Variants in SLC24A3 observed in about 807,000 individuals in gnomAD.
The protein encoded by SLC24A3 is solute carrier family 24 member 3.
Under a neutral mutation model 75.8 loss-of-function variants are expected in SLC24A3, and 28 were observed. The observed-to-expected ratio is 0.37, with a 90% CI of 0.27 to 0.51. The LOEUF is 0.51. Among genes scored for constraint, SLC24A3 ranks in the 20% least tolerant of loss-of-function variants. The pLI is 0.94. For missense variants in SLC24A3, 663 were observed against 847.8 expected (o/e 0.78, Z 2.71); for synonymous variants, 372 against 334.1 (o/e 1.11, Z -1.24).
At chr20:19,703,623 G>A (rs1798467849) in intron 15 of SLC24A3, among the ~76,000 whole-genome samples, 2 of 152,150 alleles carry the variant, frequency 1.3e-5, no homozygotes, top group Non-Finnish European at 2.9e-5. Flanking sequence ...TCTAGGATAA[G>A]CATCAAGTGT....
At chr20:19,711,118 G>T (rs2032983504) in intron 15 of SLC24A3, among the ~76,000 whole-genome samples, 1 of 130,088 alleles carries the variant, frequency 7.7e-6, no homozygotes, top group East Asian at 2.6e-4. Flanking sequence ...CACACAGGCA[G>T]ACACATGCAG....
At chr20:19,639,814 A>AGC (rs770511719) in intron 6 of SLC24A3, among the ~76,000 whole-genome samples, 255 of 152,352 alleles carry the variant, frequency 1.7e-3, no homozygotes, top group Non-Finnish European at 3.0e-3. Context: ...AATAGACAGC[A>AGC]GCGCCGGTGG....
At chr20:19,585,110 T>C in intron 5 of SLC24A3, 55 bp downstream of exon 5, 3 of 1,501,132 alleles carry the variant, frequency 2.0e-6, no homozygotes, top group Non-Finnish European at 2.8e-6. Flanking sequence ...GGAAAAGGGC[T>C]CTGGGAATGG....
At chr20:19,438,607 T>C (rs936870916) in intron 2 of SLC24A3, among the ~76,000 whole-genome samples, 1 of 152,058 alleles carries the variant, frequency 6.6e-6, no homozygotes, top group Non-Finnish European at 1.5e-5. Context: ...AACAAGCTGC[T>C]CATTGGCCTC....
intron 2 of SLC24A3, among the ~76,000 whole-genome samples, chr20:19,383,648 TG>T (rs1348731861): frequency 1.3e-5 from 2 of 152,152 alleles, no homozygotes; most frequent in African/African-American, 2.4e-5. Context: ...CTTGGTCAGT[TG>T]GGGCTGCTAT....
In SLC24A3 at chr20:19,673,589, G is replaced by T; in HGVS notation, c.714-12G>T. 1 of 1,613,404 alleles carries T rather than the reference G, an allele frequency of 6.2e-7. No homozygotes were observed. Among genetic ancestry groups the T allele is most frequent in the Non-Finnish European group, 8.5e-7 (1 of 1,179,350 alleles). On this transcript the variant is annotated splice_polypyrimidine_tract_variant and intron_variant, in intron 8 of 16. Transcript: ENST00000328041. ...CCATGACTGTCTTTAACTGTTCTTGGTTTACACACAGGTGGGAGTCTTTAG... is the reference window on the plus strand; with the variant it reads ...CCATGACTGTCTTTAACTGTTCTTGTTTTACACACAGGTGGGAGTCTTTAG...
At chr20:19,614,814 T>G (rs1336932314) in intron 6 of SLC24A3, among the ~76,000 whole-genome samples, 2 of 152,192 alleles carry the variant, frequency 1.3e-5, no homozygotes, top group Non-Finnish European at 2.9e-5. Context: ...CTAAGAACAC[T>G]AAGACTGGTA....
intron 4 of SLC24A3, among the ~76,000 whole-genome samples, chr20:19,581,198 C>G (rs1231357044): frequency 6.6e-6 from 1 of 152,072 alleles, no homozygotes; most frequent in South Asian, 2.1e-4. Context: ...TGTGGAAGCC[C>G]TTTGTCTGAG....
intron 1 of SLC24A3, among the ~76,000 whole-genome samples, chr20:19,258,601 C>T (rs1982888369): frequency 6.6e-6 from 1 of 152,172 alleles, no homozygotes; most frequent in Non-Finnish European, 1.5e-5. Context: ...ACTCGGGAGG[C>T]TGAGGCGGAA....
Position 19,546,179 on chromosome 20 carries a change from A to AAAAAAAAAAAAC in SLC24A3, c.348+30624_348+30625insAACAAAAAAAAA, listed in dbSNP as rs765227499. Among the ~76,000 whole-genome samples, 301 of 147,544 alleles carry AAAAAAAAAAAAC rather than the reference A, an allele frequency of 2.0e-3. 2 individuals carry two copies. The highest frequency in any genetic ancestry group is 3.7e-3 in the Non-Finnish European group (241 of 65,554). ...GTCTCAAAAAAAAAAAAAAAAAAAA[A>AAAAAAAAAAAAC]AAAAAAAAACCAGGTAATCGACCTG... On this transcript the variant is annotated intron_variant, in intron 3 of 16. Coordinates refer to ENST00000328041, the MANE Select transcript of SLC24A3 (RefSeq NM_020689.4).
chr20:19,263,082 A>AC (rs1382157568), intron 1 of SLC24A3, among the ~76,000 whole-genome samples: 42 of 131,084 alleles, frequency 3.2e-4, no homozygotes, highest in African/African-American at 7.1e-4. Context: ...TTTTCTGTTG[A>AC]CCCCCCCACG....
chr20:19,585,482 G>C lies in SLC24A3; in HGVS notation c.550G>C (p.Val184Leu), dbSNP rs765014186. The C allele has an allele frequency of 6.2e-7, 1 of 1,614,174 alleles. No homozygotes were observed. Among genetic ancestry groups the C allele is most frequent in the Admixed American group, 1.7e-5 (1 of 60,018 alleles). Residue 184 changes from valine (V) to leucine (L), a missense_variant, in exon 6 of 17, where the codon GTG becomes CTG. Coordinates refer to ENST00000328041, the MANE Select transcript of SLC24A3 (RefSeq NM_020689.4). ...AGGCGATGTGGGAGTTGGCACCATC[G>C]TGGGCTCAGCGGTATTCAACATCCT... ...TKGDVGVGTI[V>L]GSAVFNILCI... is the part of the protein sequence containing the mutation.
At chr20:19,601,663 C>T (rs1240662235) in intron 6 of SLC24A3, among the ~76,000 whole-genome samples, 1 of 152,120 alleles carries the variant, frequency 6.6e-6, no homozygotes, top group Non-Finnish European at 1.5e-5. Context: ...GCTCCTGAGA[C>T]GTCAGAATGT....
At chr20:19,716,521 A>G (rs971065032) in intron 15 of SLC24A3, among the ~76,000 whole-genome samples, 8 of 151,786 alleles carry the variant, frequency 5.3e-5, no homozygotes, top group African/African-American at 1.7e-4. Context: ...CTTTTCCATC[A>G]CCACAGAAAG....
At chr20:19,662,203 G>A (rs963395343) in intron 7 of SLC24A3, among the ~76,000 whole-genome samples, 1 of 152,144 alleles carries the variant, frequency 6.6e-6, no homozygotes, top group Non-Finnish European at 1.5e-5. Flanking sequence ...CTGGGCTATC[G>A]CAGAGCCTGG....
At chr20:19,543,345 T>C (rs1383086839) in intron 3 of SLC24A3, among the ~76,000 whole-genome samples, 1 of 152,080 alleles carries the variant, frequency 6.6e-6, no homozygotes, top group Non-Finnish European at 1.5e-5. Flanking sequence ...GCAGAGAAAG[T>C]GAGCTTTGTT....
At chr20:19,299,844 AC>A (rs1409250106) in intron 2 of SLC24A3, among the ~76,000 whole-genome samples, 1 of 152,214 alleles carries the variant, frequency 6.6e-6, no homozygotes, top group Non-Finnish European at 1.5e-5. Context: ...TTAATCCCTC[AC>A]TGGGCTCTAC....
At chr20:19,332,939 T>C (rs1985035013) in intron 2 of SLC24A3, among the ~76,000 whole-genome samples, 1 of 151,000 alleles carries the variant, frequency 6.6e-6, no homozygotes, top group African/African-American at 2.4e-5. Flanking sequence ...AATAGCTTTC[T>C]GGTTTTGTCT....
At chr20:19,356,779 C>G (rs939388247) in intron 2 of SLC24A3, among the ~76,000 whole-genome samples, 4 of 152,080 alleles carry the variant, frequency 2.6e-5, no homozygotes, top group Admixed American at 2.6e-4. Flanking sequence ...TAGATTTACA[C>G]TTTGACTAGC....
Sources: allele counts gnomAD v4.1 joint callset (sites outside exome capture counted in the v4.1 genomes callset), GRCh38; gene constraint gnomAD v4.1.1; transcripts MANE v1.5; gene names NCBI Gene and HGNC (gene_info 2026-07-23, HGNC 2026-07-21).